Variants in ROBO2 observed in about 807,000 individuals in gnomAD.
The protein encoded by ROBO2 is roundabout guidance receptor 2.
In ROBO2, 53 loss-of-function variants were observed where a neutral mutation model predicts 160.8. The ratio of observed to expected loss-of-function variants is 0.33; its 90% CI spans 0.26 to 0.41. ROBO2 has a LOEUF of 0.41. Ranked by LOEUF, ROBO2 falls within the 10% of genes least tolerant of loss-of-function variation. The pLI is 1.00. For synonymous variants in ROBO2, 664 were observed against 611.7 expected, an observed-to-expected ratio of 1.09 and a Z score of -1.26; for missense variants, 1,577 against 1,722.4, an observed-to-expected ratio of 0.92 and a Z score of 1.49.
intron 2 of ROBO2, among the ~76,000 whole-genome samples, chr3:76,708,830 A>G (rs1266209463): frequency 1.3e-5 from 2 of 152,192 alleles, no homozygotes; most frequent in Non-Finnish European, 2.9e-5. Flanking sequence ...CCAGATTGAC[A>G]TCTTCAAACA....
chr3:76,719,413 G>T (rs954650457), intron 2 of ROBO2, among the ~76,000 whole-genome samples: 13 of 152,096 alleles, frequency 8.5e-5, no homozygotes, highest in Non-Finnish European at 2.9e-5. Context: ...ACAGCTCACT[G>T]CAGCCTTCAG....
chr3:76,092,577 T>C (rs894330352), intron 2 of ROBO2, among the ~76,000 whole-genome samples: 1 of 152,200 alleles, frequency 6.6e-6, no homozygotes, highest in Admixed American at 6.5e-5. Flanking sequence ...TCTGGGTCAT[T>C]GTTACTCTCT....
chr3:76,091,740 C>G (rs539872166), intron 2 of ROBO2, among the ~76,000 whole-genome samples: 1 of 151,848 alleles, frequency 6.6e-6, no homozygotes, highest in African/African-American at 2.4e-5. Flanking sequence ...GAATATTACT[C>G]GATATTTTGA....
chr3:76,450,371 A>C (rs1041581165), intron 2 of ROBO2, among the ~76,000 whole-genome samples: 2 of 152,192 alleles, frequency 1.3e-5, no homozygotes, highest in African/African-American at 4.8e-5. Context: ...TCAGTCATAA[A>C]ATTTATCTCC....
intron 23 of ROBO2, chr3:77,629,003 ACT>A (rs1212630356): frequency 6.6e-6 from 1 of 151,854 alleles, no homozygotes; most frequent in Non-Finnish European, 1.5e-5. Context: ...CTTCCATGTG[ACT>A]CTCTCTTCCC....
chr3:76,626,097 C>T (rs986790752), intron 2 of ROBO2, among the ~76,000 whole-genome samples: 1 of 152,152 alleles, frequency 6.6e-6, no homozygotes, highest in African/African-American at 2.4e-5. Flanking sequence ...GATCCAGAAG[C>T]AGAAGACTTT....
intron 2 of ROBO2, among the ~76,000 whole-genome samples, chr3:76,770,851 A>G (rs886230379): frequency 6.6e-6 from 1 of 151,388 alleles, no homozygotes; most frequent in South Asian, 2.1e-4. Flanking sequence ...AGTGCCGGCC[A>G]TCGGTGTTGG....
chr3:77,249,517 T>C (rs1416989035), intron 2 of ROBO2, among the ~76,000 whole-genome samples: 2 of 152,204 alleles, frequency 1.3e-5, no homozygotes, highest in South Asian at 2.1e-4. Context: ...TCCTTAGCTA[T>C]AGCAGCCAGC....
intron 2 of ROBO2, among the ~76,000 whole-genome samples, chr3:76,788,795 T>G (rs908029037): frequency 6.6e-6 from 1 of 151,638 alleles, no homozygotes; most frequent in Non-Finnish European, 1.5e-5. Flanking sequence ...GGGCCTTTGA[T>G]ATAGCACGGT....
chr3:76,554,538 G>A (rs889609182), intron 2 of ROBO2, among the ~76,000 whole-genome samples: 5 of 151,976 alleles, frequency 3.3e-5, no homozygotes, highest in East Asian at 1.9e-4. Flanking sequence ...GTCCCACTTC[G>A]TTGCCTACAT....
intron 2 of ROBO2, among the ~76,000 whole-genome samples, chr3:76,485,834 T>G (rs2079465822): frequency 6.6e-6 from 1 of 152,180 alleles, no homozygotes; most frequent in African/African-American, 2.4e-5. Flanking sequence ...GATCTTAAAA[T>G]AACAACAATT....
chr3:77,640,151 C>T (rs143213492), intron 24 of ROBO2, among the ~76,000 whole-genome samples: 24 of 125,460 alleles, frequency 1.9e-4, no homozygotes, highest in South Asian at 2.6e-4. Context: ...TCGCTCTATC[C>T]GCCAGGCTGG....
At chr3:76,637,097 T>A (rs1479889099) in intron 2 of ROBO2, among the ~76,000 whole-genome samples, 3 of 151,998 alleles carry the variant, frequency 2.0e-5, no homozygotes, top group Non-Finnish European at 4.4e-5. Flanking sequence ...AGGGTGTACA[T>A]GGTTATTTTA....
chr3:76,891,057 A>T, intron 2 of ROBO2, among the ~76,000 whole-genome samples: 1 of 152,192 alleles, frequency 6.6e-6, no homozygotes, highest in East Asian at 1.9e-4. Context: ...TTTCAGCTTC[A>T]AAATCTCATG....
intron 2 of ROBO2, among the ~76,000 whole-genome samples, chr3:76,244,687 C>A (rs35166978): frequency 1.3e-5 from 2 of 152,004 alleles, no homozygotes; most frequent in African/African-American, 2.4e-5. Flanking sequence ...ACGTCAGGAG[C>A]CTGGAAATCT....
chr3:76,665,944 AT>A (rs1331739981), intron 2 of ROBO2, among the ~76,000 whole-genome samples: 40 of 137,822 alleles, frequency 2.9e-4, no homozygotes, highest in Admixed American at 1.6e-3. Context: ...CATATAATAT[AT>A]TATATATAAT....
intron 2 of ROBO2, among the ~76,000 whole-genome samples, chr3:77,182,605 T>C (rs547521055): frequency 2.4e-4 from 36 of 152,006 alleles, no homozygotes; most frequent in Non-Finnish European, 4.3e-4. Flanking sequence ...TGCCAACCTA[T>C]CGATCAACTG....
intron 2 of ROBO2, among the ~76,000 whole-genome samples, chr3:76,017,629 A>G (rs939258341): frequency 6.6e-6 from 1 of 152,110 alleles, no homozygotes; most frequent in East Asian, 1.9e-4. Context: ...ACACTTTGTC[A>G]TATTTTTATA....
intron 2 of ROBO2, among the ~76,000 whole-genome samples, chr3:76,643,584 C>T (rs2109753344): frequency 6.6e-6 from 1 of 152,112 alleles, no homozygotes; most frequent in African/African-American, 2.4e-5. Flanking sequence ...GAAGTCTAAC[C>T]AGGAAAAAGG....
Sources: allele counts gnomAD v4.1 joint callset (sites outside exome capture counted in the v4.1 genomes callset), GRCh38; gene constraint gnomAD v4.1.1; transcripts MANE v1.5; gene names NCBI Gene and HGNC (gene_info 2026-07-23, HGNC 2026-07-21).